Variants in EPHX4 observed in about 807,000 individuals in gnomAD.
EPHX4 encodes epoxide hydrolase 4.
Under a neutral mutation model 44.9 loss-of-function variants are expected in EPHX4, and 31 were observed. That is an observed-to-expected ratio of 0.69 (90% confidence interval 0.52 to 0.93). The LOEUF is 0.93. Among genes scored for constraint, EPHX4 ranks in the 40% least tolerant of loss-of-function variants. The probability of loss-of-function intolerance (pLI) is 0.00; values close to 1 mark genes in which losing one functional copy is unlikely to be tolerated. For synonymous variants in EPHX4, 151 were observed against 159.7 expected (o/e 0.95, Z 0.41); for missense variants, 373 against 438.1 (o/e 0.85, Z 1.33).
Position 92,030,325 on chromosome 1 carries a change from G to C in EPHX4, c.231+15G>C. ...TGCGGATCAAGGTGAAGGGCCGCGC[G>C]GGCCTGGCGGGAGCGGGAGGGAGCG... On this transcript the variant is annotated intron_variant, in intron 1 of 6. Coordinates refer to ENST00000370383, the MANE Select transcript of EPHX4 (RefSeq NM_173567.5). 1 of 1,501,894 alleles carries C rather than the reference G, an allele frequency of 6.7e-7. No homozygotes were observed. The highest frequency in any genetic ancestry group is 1.4e-5 in the African/African-American group (1 of 71,202). The allele number at this position is 1,501,894 out of a possible 1,614,324, so 93.0% of individuals were successfully genotyped here.
intron 1 of EPHX4, among the ~76,000 whole-genome samples, chr1:92,030,983 C>G (rs2101864198): frequency 6.6e-6 from 1 of 152,274 alleles, no homozygotes; most frequent in South Asian, 2.1e-4. Context: ...TATTCTGTTT[C>G]CTGAGGCTCC....
chr1:92,058,519 GA>G (rs1301348273), intron 6 of EPHX4, among the ~76,000 whole-genome samples: 2 of 151,082 alleles, frequency 1.3e-5, no homozygotes, highest in African/African-American at 4.9e-5. Flanking sequence ...GCTAAATAAA[GA>G]AAAAGCGTTT....
chr1:92,031,091 G>C (rs1330011878), intron 1 of EPHX4, among the ~76,000 whole-genome samples: 1 of 152,122 alleles, frequency 6.6e-6, no homozygotes, highest in Non-Finnish European at 1.5e-5. Context: ...ATGTCACCAA[G>C]TCCTTATTTC....
intron 6 of EPHX4, among the ~76,000 whole-genome samples, chr1:92,054,427 A>G (rs1411777493): frequency 6.6e-6 from 1 of 152,108 alleles, no homozygotes; most frequent in Non-Finnish European, 1.5e-5. Context: ...TGTCTCTACT[A>G]AAAATACAAA....
At chr1:92,036,620 A>G (rs958946057) in intron 2 of EPHX4, among the ~76,000 whole-genome samples, 2 of 152,256 alleles carry the variant, frequency 1.3e-5, no homozygotes, top group African/African-American at 2.4e-5. Flanking sequence ...GACAGGCATG[A>G]GTCTCTTCTG....
chr1:92,056,223 G>A (rs1334192021), intron 6 of EPHX4, among the ~76,000 whole-genome samples: 2 of 151,976 alleles, frequency 1.3e-5, no homozygotes, highest in Non-Finnish European at 2.9e-5. Context: ...TTAAAAACAG[G>A]CACGTTAAGA....
chr1:92,045,271 C>T (rs1435255736), intron 3 of EPHX4, among the ~76,000 whole-genome samples: 2 of 151,936 alleles, frequency 1.3e-5, no homozygotes, highest in Non-Finnish European at 2.9e-5. Flanking sequence ...AGGTGTGAGT[C>T]ACCACACCGG....
rs754105103 is a variant in EPHX4, at chr1:92,050,410, A to G, written c.698A>G (p.Asn233Ser). Residue 233 changes from asparagine (N) to serine (S), a missense_variant, in exon 5 of 7, where the codon AAT becomes AGT. Physicochemically the swap from Asn to Ser is conservative, Grantham distance 46 (BLOSUM62 1). Coordinates refer to ENST00000370383, the MANE Select transcript of EPHX4 (RefSeq NM_173567.5). ...TTCCCAGAATTTATGTTCTCAATAA[A>G]TGATTTCAAGGTAAGCCAAACAAAT... ...PWFPEFMFSI[N>S]DFKVLKHLFT... 22 of 1,578,316 alleles carry G rather than the reference A, an allele frequency of 1.4e-5. No homozygotes were observed. The Admixed American group carries it at 2.6e-4, about 19-fold the overall frequency.
At chr1:92,036,729 A>T (rs1290189835) in intron 2 of EPHX4, among the ~76,000 whole-genome samples, 1 of 152,222 alleles carries the variant, frequency 6.6e-6, no homozygotes, top group East Asian at 1.9e-4. Context: ...CAGATAGATC[A>T]TATTGAATTC....
chr1:92,030,081 TGGCGA>T lies in EPHX4; in HGVS notation c.6_10del (p.Arg3_?4). On this transcript the variant is annotated frameshift_variant and start_lost, in exon 1 of 7. Coordinates refer to ENST00000370383, the MANE Select transcript of EPHX4 (RefSeq NM_173567.5). LOFTEE classifies it high-confidence loss of function. ...AGTGGGCCCCGCCGCCGCCTCCCAA[TGGCGA>T]GGCTGCGGGATTGCCTGCCCCGCCT... The T allele has an allele frequency of 6.3e-7, 1 of 1,592,570 alleles. No individual in the cohort carries two copies. Among genetic ancestry groups the T allele is most frequent in the Non-Finnish European group, 8.5e-7 (1 of 1,171,722 alleles).
At chr1:92,046,741 C>T (rs559428289) in intron 4 of EPHX4, among the ~76,000 whole-genome samples, 13 of 152,248 alleles carry the variant, frequency 8.5e-5, no homozygotes, top group East Asian at 5.8e-4. Context: ...GGATTACAGG[C>T]GTGAGCCACC....
At chr1:92,039,700 C>T (rs1224007263) in intron 2 of EPHX4, among the ~76,000 whole-genome samples, 1 of 152,156 alleles carries the variant, frequency 6.6e-6, no homozygotes, top group Non-Finnish European at 1.5e-5. Flanking sequence ...GCTGCCCAGG[C>T]TGGAGTGCGG....
chr1:92,032,729 T>C (rs1688379735), intron 2 of EPHX4, 139 bp downstream of exon 2: 2 of 747,886 alleles, frequency 2.7e-6, no homozygotes, highest in Non-Finnish European at 4.4e-6. Context: ...TTCTGGAGGC[T>C]GGGAAGTTCA....
intron 6 of EPHX4, among the ~76,000 whole-genome samples, chr1:92,058,220 T>C (rs1647414301): frequency 6.6e-6 from 1 of 152,034 alleles, no homozygotes; most frequent in South Asian, 2.1e-4. Flanking sequence ...GGTGGGTGGA[T>C]CACCTGACTT....
Position 92,030,108 on chromosome 1 carries a change from G to A in EPHX4, c.29G>A (p.Arg10His). MARLRDCLP[R>H]LMLTLRSLLF... ...GCGAGGCTGCGGGATTGCCTGCCCCGCCTGATGCTCACGCTCCGGTCCCTG... is the reference window on the plus strand; with the variant it reads ...GCGAGGCTGCGGGATTGCCTGCCCCACCTGATGCTCACGCTCCGGTCCCTG... The change falls in exon 1 of 7, where the codon CGC becomes CAC. Residue 10 changes from arginine to histidine, a missense_variant. Arg to His is a conservative substitution (Grantham distance 29, BLOSUM62 0). Transcript: ENST00000370383. The A allele has an allele frequency of 5.0e-6, 8 of 1,607,614 alleles. No individual in the cohort carries two copies. Among genetic ancestry groups the A allele is most frequent in the East Asian group, 2.3e-5 (1 of 44,046 alleles).
At chr1:92,036,507 A>T (rs1688438848) in intron 2 of EPHX4, among the ~76,000 whole-genome samples, 1 of 152,224 alleles carries the variant, frequency 6.6e-6, no homozygotes, top group Admixed American at 6.5e-5. Context: ...GGATGTATCC[A>T]AAAGGGATTT....
At chr1:92,035,705 A>C (rs1235307641) in intron 2 of EPHX4, among the ~76,000 whole-genome samples, 1 of 152,162 alleles carries the variant, frequency 6.6e-6, no homozygotes, top group Non-Finnish European at 1.5e-5. Context: ...TGCAACTATC[A>C]ACCCGTCATG....
At chr1:92,042,681 C>A in intron 2 of EPHX4, 142 bp from the exon 3 acceptor site, 3 of 665,458 alleles carry the variant, frequency 4.5e-6, no homozygotes, top group East Asian at 6.3e-5. Flanking sequence ...GCTGTGATTG[C>A]ACCACTGCAC....
intron 2 of EPHX4, among the ~76,000 whole-genome samples, chr1:92,039,818 T>C (rs539777173): frequency 1.2e-4 from 19 of 152,174 alleles, no homozygotes; most frequent in African/African-American, 4.6e-4. Context: ...CACGCCTGGC[T>C]AATTTTTGTA....
Sources: gnomAD v4.1 joint callset for allele counts (sites outside exome capture counted in the v4.1 genomes callset) on GRCh38, gnomAD v4.1.1 for gene constraint, MANE v1.5 for transcripts, NCBI Gene and HGNC (gene_info 2026-07-23, HGNC 2026-07-21) for gene names.